MYOM1: variants seen among roughly 807,000 people sequenced by gnomAD.
MYOM1 encodes myomesin 1.
Under a neutral mutation model 205.3 loss-of-function variants are expected in MYOM1, and 164 were observed. The ratio of observed to expected loss-of-function variants is 0.80; its 90% CI spans 0.70 to 0.91. The LOEUF (loss-of-function observed/expected upper bound fraction) is 0.91, where lower values mean the gene tolerates loss of function less well. Among genes scored for constraint, MYOM1 ranks in the 40% least tolerant of loss-of-function variants. The pLI is 0.00. For synonymous variants in MYOM1, 772 were observed against 789.4 expected (o/e 0.98, Z 0.37); for missense variants, 2,011 against 2,127.3 (o/e 0.95, Z 1.08).
chr18:3,136,167 C>A (rs1434632588), intron 14 of MYOM1, among the ~76,000 whole-genome samples: 2 of 152,080 alleles, frequency 1.3e-5, no homozygotes, highest in African/African-American at 2.4e-5. Context: ...CGCCTTCCAC[C>A]ATGATTGTGA....
intron 3 of MYOM1, chr18:3,190,356 T>G (rs2080886527): frequency 6.6e-6 from 1 of 152,218 alleles, no homozygotes; most frequent in Non-Finnish European, 1.5e-5. Flanking sequence ...CTTCAGAATG[T>G]AAGCAAATGC....
intron 17 of MYOM1, among the ~76,000 whole-genome samples, chr18:3,130,082 C>A (rs988616346): frequency 2.6e-5 from 4 of 151,318 alleles, no homozygotes; most frequent in African/African-American, 9.7e-5. Flanking sequence ...TCACTCTGTC[C>A]CCCAGGCTGG....
chr18:3,214,535 TG>T (rs1460978918), intron 2 of MYOM1, among the ~76,000 whole-genome samples: 1 of 152,178 alleles, frequency 6.6e-6, no homozygotes, highest in East Asian at 1.9e-4. Context: ...AAGAAGTAAC[TG>T]GGAGAGGCTG....
At chr18:3,182,469 C>T (rs568400166) in intron 5 of MYOM1, among the ~76,000 whole-genome samples, 1 of 152,290 alleles carries the variant, frequency 6.6e-6, no homozygotes, top group East Asian at 1.9e-4. Context: ...ACACTATTCT[C>T]TCCTTTTAAA....
chr18:3,232,971 T>C, the MYOM1 span, among the ~76,000 whole-genome samples: 19 of 152,226 alleles, frequency 1.2e-4, no homozygotes, highest in African/African-American at 4.6e-4. Flanking sequence ...TCCTTTGTAG[T>C]GTTTTAAAGT....
rs12956180 is a variant in MYOM1, at chr18:3,179,032, T to C, written c.930-2898A>G. On this transcript the variant is annotated intron_variant, in intron 5 of 37. Transcript: ENST00000356443. This position sits in a 1 kb window ranked among gnomAD's most constrained non-coding sequence, Gnocchi z 4.4. ...ACAAGTGTGCACCACCACACTCAGC[T>C]AATTTTTTCTATTTTTTGTAGAGAC... Among the ~76,000 whole-genome samples the C allele has an allele frequency of 0.14, 20,629 of 152,138 alleles. 1,514 individuals carry two copies. The highest frequency in any genetic ancestry group is 0.2 in the Middle Eastern group (58 of 294).
intron 19 of MYOM1, among the ~76,000 whole-genome samples, chr18:3,121,325 C>T (rs928429975): frequency 6.6e-6 from 1 of 152,130 alleles, no homozygotes; most frequent in African/African-American, 2.4e-5. Context: ...TAAAAACCCA[C>T]ATCTAGACCT....
At chr18:3,143,934 C>T (rs1268197217) in intron 13 of MYOM1, among the ~76,000 whole-genome samples, 4 of 146,886 alleles carry the variant, frequency 2.7e-5, no homozygotes, top group East Asian at 2.0e-4. Flanking sequence ...AGGCCAGGCA[C>T]GGTGGCTCAC....
At chr18:3,161,258 T>TA (rs2080387216) in intron 10 of MYOM1, among the ~76,000 whole-genome samples, 1 of 152,194 alleles carries the variant, frequency 6.6e-6, no homozygotes, top group African/African-American at 2.4e-5. Flanking sequence ...GATATTCAGG[T>TA]ATCTATACCA....
At chr18:3,168,299 C>CT (rs35689716) in intron 9 of MYOM1, among the ~76,000 whole-genome samples, 3 of 149,770 alleles carry the variant, frequency 2.0e-5, no homozygotes, top group Non-Finnish European at 1.5e-5. Flanking sequence ...AATGAATATA[C>CT]TTTTTTTTTT....
intron 37 of MYOM1, among the ~76,000 whole-genome samples, chr18:3,070,736 TTGTGTGTGTGTGTGTGTGTGTGTGTG>T (rs57044157): frequency 6.8e-6 from 1 of 146,102 alleles, no homozygotes; most frequent in Non-Finnish European, 1.5e-5. Context: ...TGCATGTTCT[TTGTGTGTGTGTGTGTGTGTGTGTGTG>T]TGTGTGTGTG....
At chr18:3,125,973 A>C (rs1424073182) in intron 19 of MYOM1, among the ~76,000 whole-genome samples, 5 of 152,012 alleles carry the variant, frequency 3.3e-5, no homozygotes, top group African/African-American at 1.2e-4. Context: ...TTGGACACTG[A>C]AAGTTAAAAA....
intron 16 of MYOM1, among the ~76,000 whole-genome samples, chr18:3,134,087 T>C (rs2079916193): frequency 2.1e-5 from 1 of 47,548 alleles, no homozygotes; most frequent in South Asian, 1.0e-3. Context: ...CTCAAACTCC[T>C]GGGCTCAAGC....
chr18:3,214,695 C>T (rs1662317), intron 2 of MYOM1, among the ~76,000 whole-genome samples: 1,628 of 152,176 alleles, frequency 0.011, 25 homozygotes, highest in African/African-American at 0.033. Context: ...TGGTGGTGCA[C>T]GCCTGTAATC....
At chr18:3,120,140 T>G in intron 19 of MYOM1, 145 bp from the exon 20 acceptor site, 3 of 1,124,314 alleles carry the variant, frequency 2.7e-6, no homozygotes, top group Non-Finnish European at 3.7e-6. Flanking sequence ...TGTAATCTCC[T>G]GGGTGTGGAT....
At chr18:3,125,326 C>A (rs1384482454) in intron 19 of MYOM1, among the ~76,000 whole-genome samples, 3 of 151,756 alleles carry the variant, frequency 2.0e-5, no homozygotes, top group Admixed American at 2.0e-4. Flanking sequence ...GCTAAAAATG[C>A]AAAAATACCC....
intron 2 of MYOM1, 35 bp downstream of exon 2, chr18:3,214,899 G>C: frequency 6.5e-7 from 1 of 1,540,032 alleles, no homozygotes; most frequent in African/African-American, 1.4e-5. Flanking sequence ...GCCTCTTCCT[G>C]AGGTTGGAAG....
At chr18:3,232,185 C>T in the MYOM1 span, among the ~76,000 whole-genome samples, 347 of 151,784 alleles carry the variant, frequency 2.3e-3, 5 homozygotes, top group East Asian at 0.023. Flanking sequence ...CAAAAATTAG[C>T]GGGGTGTTGT....
chr18:3,169,150 T>C (rs559159541), intron 8 of MYOM1, among the ~76,000 whole-genome samples, 169 bp from the exon 9 acceptor site: 185 of 152,078 alleles, frequency 1.2e-3, no homozygotes, highest in Non-Finnish European at 2.4e-3. Context: ...TTAGAACATA[T>C]GCATATATCA....
Sources: gnomAD v4.1 joint callset for allele counts (sites outside exome capture counted in the v4.1 genomes callset) on GRCh38, gnomAD v4.1.1 for gene constraint, Gnocchi (gnomAD v3.1) non-coding constraint, MANE v1.5 for transcripts, NCBI Gene and HGNC (gene_info 2026-07-23, HGNC 2026-07-21) for gene names.